Variants in PHLPP1 observed in about 807,000 individuals in gnomAD.
PHLPP1 encodes the protein PH domain leucine-rich repeat-containing protein phosphatase 1.
A neutral mutation model predicts 117.2 loss-of-function variants in PHLPP1; 42 were observed. That is an observed-to-expected ratio of 0.36 (90% CI 0.28 to 0.46). The LOEUF is 0.46. Among genes scored for constraint, PHLPP1 ranks in the 20% least tolerant of loss-of-function variants. PHLPP1 has a pLI of 1.00. For missense variants in PHLPP1, 2,084 were observed against 2,241.9 expected (o/e 0.93, Z 1.42); for synonymous variants, 1,042 against 970.7 (o/e 1.07, Z -1.37).
intron 3 of PHLPP1, among the ~76,000 whole-genome samples, chr18:62,844,099 C>T (rs772325731): frequency 3.3e-5 from 5 of 152,186 alleles, no homozygotes; most frequent in Non-Finnish European, 5.9e-5. Flanking sequence ...GTAATCCCAA[C>T]ACTGTGGGAG....
chr18:62,904,665 T>A (rs1173967743), intron 7 of PHLPP1, among the ~76,000 whole-genome samples: 3 of 152,222 alleles, frequency 2.0e-5, no homozygotes, highest in Non-Finnish European at 4.4e-5. Context: ...GGCAACCAGA[T>A]AGGAGCTGCA....
At chr18:62,734,901 T>G (rs949033599) in intron 1 of PHLPP1, among the ~76,000 whole-genome samples, 1 of 152,178 alleles carries the variant, frequency 6.6e-6, no homozygotes, top group African/African-American at 2.4e-5. Context: ...TATTGGCCCT[T>G]GTGATTATGA....
chr18:62,793,662 A>G (rs1420508661), intron 1 of PHLPP1, among the ~76,000 whole-genome samples: 6 of 152,210 alleles, frequency 3.9e-5, no homozygotes, highest in Non-Finnish European at 8.8e-5. Context: ...TTTAAGTGCT[A>G]GTTTTATCTG....
At chr18:62,869,716 T>A (rs1915852714) in intron 4 of PHLPP1, among the ~76,000 whole-genome samples, 1 of 152,238 alleles carries the variant, frequency 6.6e-6, no homozygotes, top group Admixed American at 6.5e-5. Context: ...TTGATTTGTT[T>A]AAGGTAGAGA....
chr18:62,798,696 CT>C (rs1913693251), intron 1 of PHLPP1, among the ~76,000 whole-genome samples: 2 of 152,146 alleles, frequency 1.3e-5, no homozygotes, highest in South Asian at 2.1e-4. Context: ...TGCTCATTTG[CT>C]TCCTAGAGTT....
rs1368879620 is a variant in PHLPP1, at chr18:62,879,657, C to T, written c.2067-15354C>T. 2.0e-5 allele frequency among the ~76,000 whole-genome samples: 3 copies of T among 152,140 alleles called. No homozygotes were observed. The East Asian group carries it at 5.8e-4, about 29-fold the overall frequency. ...TCTCCTGACCTCGTGATCTGCCCAC[C>T]TTGGCCTCCCAAAGTACTGGGATTA... On this transcript the variant is annotated intron_variant, in intron 4 of 16. Coordinates refer to ENST00000262719, the MANE Select transcript of PHLPP1 (RefSeq NM_194449.4).
At position 62,785,621 on chromosome 18, in the gene PHLPP1, G is replaced by T. The variant is rs139773544; in HGVS notation, c.1577-44414G>T. Among the ~76,000 whole-genome samples the T allele has an allele frequency of 2.5e-3, 381 of 152,280 alleles. 1 individual carries two copies. Among genetic ancestry groups the T allele is most frequent in the African/African-American group, 8.7e-3 (360 of 41,568 alleles). On this transcript the variant is annotated intron_variant, in intron 1 of 16. Transcript: ENST00000262719. The stretch of plus-strand genomic sequence containing the variant: ...AAGTTTCCTTACAGGCAAGAAAAGC[G>T]TAACATGAAAGTAGTTTTCCTAATG...
intron 10 of PHLPP1, among the ~76,000 whole-genome samples, chr18:62,927,385 C>T (rs1199894670): frequency 6.6e-6 from 1 of 152,104 alleles, no homozygotes; most frequent in Non-Finnish European, 1.5e-5. Flanking sequence ...TCGAATAGTT[C>T]GTACCCCAAA....
In PHLPP1 at chr18:62,773,211, C is replaced by A. The variant is rs80257309; in HGVS notation, c.1576+55952C>A. On this transcript the variant is annotated intron_variant, in intron 1 of 16. Transcript: ENST00000262719. ...TTGGATCTACTCTAAGATCCCCACC[C>A]CACTTAATTTTTTTCTTTTTAACAT... Among the ~76,000 whole-genome samples, 330 of 152,236 alleles carry A rather than the reference C, an allele frequency of 2.2e-3. 7 individuals carry two copies. The East Asian group carries it at 0.056, about 26-fold the overall frequency.
intron 3 of PHLPP1, among the ~76,000 whole-genome samples, chr18:62,849,858 T>C (rs1915292987): frequency 8.1e-6 from 1 of 124,218 alleles, no homozygotes. Context: ...AAAGTTTAGT[T>C]CCCATTACGT....
At chr18:62,889,575 C>G (rs757600631) in intron 4 of PHLPP1, 1 of 152,388 alleles carries the variant, frequency 6.6e-6, no homozygotes, top group Non-Finnish European at 1.5e-5. Context: ...CAGCTCCATT[C>G]CTCACCGTAC....
chr18:62,715,708 G>T lies in PHLPP1; in HGVS notation c.25G>T (p.Val9Leu), dbSNP rs948890983. 1.2e-5 allele frequency: 15 copies of T among 1,274,096 alleles called. No homozygotes were observed. In the African/African-American group the frequency reaches 2.2e-4, roughly 19 times the overall value. 78.9% of individuals were successfully genotyped at this position (1,274,096 alleles called of 1,614,324 possible). The stretch of plus-strand genomic sequence containing the variant: ...AATGGAGCCCGCCGCCGCGGCCACG[G>T]TACAGCGACTCCCCGAGCTCGGCAG... Reference protein sequence around the residue: MEPAAAATVQRLPELGRED... With the variant: MEPAAAATLQRLPELGRED... The change falls in exon 1 of 17, where the codon GTA becomes TTA. Residue 9 changes from valine (V) to leucine (L), a missense_variant. Transcript: ENST00000262719.
chr18:62,961,927 G>A (rs1022332635), intron 13 of PHLPP1, among the ~76,000 whole-genome samples: 16 of 152,120 alleles, frequency 1.1e-4, no homozygotes, highest in Non-Finnish European at 2.1e-4. Context: ...AGTTACAAAG[G>A]GAATACAAGT....
At chr18:62,852,807 T>G (rs1221419118) in intron 3 of PHLPP1, among the ~76,000 whole-genome samples, 1 of 152,194 alleles carries the variant, frequency 6.6e-6, no homozygotes, top group African/African-American at 2.4e-5. Flanking sequence ...ATCATCACAT[T>G]AATGTTACTG....
chr18:62,784,162 A>G (rs1476952948), intron 1 of PHLPP1, among the ~76,000 whole-genome samples: 3 of 152,226 alleles, frequency 2.0e-5, no homozygotes, highest in African/African-American at 7.2e-5. Context: ...GTATGTCTAA[A>G]GCAGTGGTTC....
intron 2 of PHLPP1, among the ~76,000 whole-genome samples, chr18:62,832,870 A>G (rs1027338208): frequency 3.9e-5 from 6 of 152,118 alleles, no homozygotes; most frequent in Non-Finnish European, 8.8e-5. Flanking sequence ...GGTGTGAGAT[A>G]GATTGGTCAT....
chr18:62,732,780 TG>T lies in PHLPP1; in HGVS notation c.1576+15524del, dbSNP rs1911263761. On this transcript the variant is annotated intron_variant, in intron 1 of 16. Coordinates refer to ENST00000262719, the MANE Select transcript of PHLPP1 (RefSeq NM_194449.4). ...CATGGGAGGAGAACCTCCATTAACA[TG>T]GGTTTAGGAGAAGTTGATTTATGGA... Among the ~76,000 whole-genome samples the T allele has an allele frequency of 2.6e-5, 4 of 152,266 alleles. No individual in the cohort carries two copies. The Middle Eastern group carries it at 0.014, about 518-fold the overall frequency.
intron 1 of PHLPP1, among the ~76,000 whole-genome samples, chr18:62,722,245 G>T (rs1033104536): frequency 6.6e-6 from 1 of 152,124 alleles, no homozygotes; most frequent in African/African-American, 2.4e-5. Flanking sequence ...AAGGCATCTC[G>T]TACTTAATTT....
chr18:62,740,930 T>A (rs977246537), intron 1 of PHLPP1, among the ~76,000 whole-genome samples: 56 of 151,954 alleles, frequency 3.7e-4, no homozygotes, highest in African/African-American at 1.2e-3. Context: ...GCCGAGATCA[T>A]GCCACTGCAC....
Sources: gnomAD v4.1 joint callset for allele counts (sites outside exome capture counted in the v4.1 genomes callset) on GRCh38, gnomAD v4.1.1 for gene constraint, MANE v1.5 for transcripts, NCBI Gene and HGNC (gene_info 2026-07-23, HGNC 2026-07-21) for gene names.